The following MYBPC3 variants were observed in gnomAD, a reference collection of about 807,000 sequenced individuals.
MYBPC3 encodes myosin binding protein C3, also known as myosin-binding protein C, cardiac-type.
MYBPC3 carries 108 observed loss-of-function variants against 159.3 expected under a neutral mutation model. The ratio of observed to expected loss-of-function variants is 0.68; its 90% CI spans 0.58 to 0.80. MYBPC3 has a LOEUF of 0.80. Among genes scored for constraint, MYBPC3 ranks in the 30% least tolerant of loss-of-function variants. The pLI, the probability that MYBPC3 is intolerant of heterozygous loss-of-function variation, is 0.00. For missense variants in MYBPC3, 1,631 were observed against 1,762.1 expected (o/e 0.93, Z 1.33); for synonymous variants, 730 against 702.0 (o/e 1.04, Z -0.63).
At position 47,338,664 on chromosome 11, in the gene MYBPC3, C is replaced by G. The variant is rs730880696; in HGVS notation, c.2164G>C (p.Glu722Gln). The G allele has an allele frequency of 1.9e-6, 3 of 1,612,414 alleles. No individual in the cohort carries two copies. The highest frequency in any genetic ancestry group is 2.5e-6 in the Non-Finnish European group (3 of 1,179,152). The change falls in exon 23 of 35, where the codon GAG becomes CAG. Residue 722 changes from glutamate to glutamine, a missense_variant. Transcript: ENST00000545968. The surrounding 1 kb of genome is among the most constrained non-coding windows in gnomAD (Gnocchi z 4.7). ...GTGGTCTCCACGCGGACCCGGCCCT[C>G]GGTCTCACACAGCAGCTGGGGGGGT... ...VFDKKLLCETEGRVRVETTKD... is the reference protein window; with the variant it reads ...VFDKKLLCETQGRVRVETTKD...
chr11:47,337,518 C>T lies in MYBPC3; in HGVS notation c.2475G>A (p.Leu825=). 2 of 1,614,048 alleles carry T rather than the reference C, an allele frequency of 1.2e-6. No individual in the cohort carries two copies. The highest frequency in any genetic ancestry group is 1.7e-6 in the Non-Finnish European group (2 of 1,179,900). ...GCGCTTCATGACTCAGCTCCTGAATCAGGTCGAAGTTCAGCCGCATCCACC... is the reference window on the plus strand; with the variant it reads ...GCGCTTCATGACTCAGCTCCTGAATTAGGTCGAAGTTCAGCCGCATCCACC... ...SYRWMRLNFD[L]IQELSHEARR... Residue 825 remains leucine, a synonymous_variant, in exon 25 of 35, where the codon CTG becomes CTA. Transcript: ENST00000545968.
intron 5 of MYBPC3, 123 bp downstream of exon 5, chr11:47,349,651 C>T: frequency 7.3e-7 from 1 of 1,373,230 alleles, no homozygotes; most frequent in Non-Finnish European, 9.7e-7. Flanking sequence ...CCCAGATTCC[C>T]CACACCCCTT....
rs574298055 is a variant in MYBPC3, at chr11:47,351,009, G to T, written c.292+230C>A. 1.3e-5 allele frequency among the ~76,000 whole-genome samples: 2 copies of T among 152,228 alleles called. No homozygotes were observed. Among genetic ancestry groups the T allele is most frequent in the African/African-American group, 4.8e-5 (2 of 41,540 alleles). On this transcript the variant is annotated intron_variant, in intron 2 of 34. Transcript: ENST00000545968. The surrounding 1 kb of genome is among the most constrained non-coding windows in gnomAD (Gnocchi z 4.2). ...CAGGGGGAGAGTGGGGTTGTGTCTTGTTCATCTCTCCCACCTACCCCATGG... is the reference window on the plus strand; with the variant it reads ...CAGGGGGAGAGTGGGGTTGTGTCTTTTTCATCTCTCCCACCTACCCCATGG...
In MYBPC3 at chr11:47,350,486, G is replaced by C. The variant is rs1463349177; in HGVS notation, c.406+16C>G. 6.5e-7 allele frequency: 1 copy of C among 1,548,186 alleles called. No individual in the cohort carries two copies. Among genetic ancestry groups the C allele is most frequent in the Admixed American group, 2.1e-5 (1 of 48,262 alleles). ...CTACCCACGGATCCTGCCCCTCCCT[G>C]CCCAGCCCCTCTCACCTTTGGGACT... On this transcript the variant is annotated intron_variant, in intron 3 of 34. Coordinates refer to ENST00000545968, the MANE Select transcript of MYBPC3 (RefSeq NM_000256.3).
rs1238568522 is a variant in MYBPC3 at position 47,333,567 on chromosome 11, CA to C, written c.3179del (p.Leu1060ArgfsTer15). ...ENMEDKATLV[L>X]QVVDKPSPPQ... The stretch of plus-strand genomic sequence containing the variant: ...GCCTTGGCCACGCACCAACAACCTG[CA>C]GCACCAGCGTGGCCTTGTCCTCCAT... On this transcript the variant is annotated frameshift_variant, in exon 29 of 35. Coordinates refer to ENST00000545968, the MANE Select transcript of MYBPC3 (RefSeq NM_000256.3). LOFTEE classifies it high-confidence loss of function. 1 of 1,600,178 alleles carries C rather than the reference CA, an allele frequency of 6.2e-7. No individual in the cohort carries two copies. The highest frequency in any genetic ancestry group is 2.2e-5 in the East Asian group (1 of 44,902).
chr11:47,350,388 G>A (rs11570047), intron 3 of MYBPC3, 114 bp downstream of exon 3: 3 of 1,492,808 alleles, frequency 2.0e-6, no homozygotes, highest in Middle Eastern at 2.4e-4. Context: ...GCCTCCCAAA[G>A]TACTGGGGAT....
intron 13 of MYBPC3, 31 bp from the exon 14 acceptor site, chr11:47,343,293 C>T: frequency 6.5e-7 from 1 of 1,539,558 alleles, no homozygotes; most frequent in Non-Finnish European, 8.7e-7. Flanking sequence ...TTGAAGTGTT[C>T]CCGACGGGAG....
Position 47,339,804 on chromosome 11 carries a change from A to C in MYBPC3, c.1928-14T>G. ...TCTTGGGAGGTTCTGCAGAAGACAC[A>C]ATGTAGTTCAGAGAAACGGGAGAGC... On this transcript the variant is annotated splice_polypyrimidine_tract_variant and intron_variant, in intron 20 of 34. Coordinates refer to ENST00000545968, the MANE Select transcript of MYBPC3 (RefSeq NM_000256.3). 1 of 1,608,040 alleles carries C rather than the reference A, an allele frequency of 6.2e-7. No homozygotes were observed. Among genetic ancestry groups the C allele is most frequent in the South Asian group, 1.1e-5 (1 of 90,894 alleles).
chr11:47,351,548 G>C lies in MYBPC3; in HGVS notation c.26-43C>G. 6.5e-7 allele frequency: 1 copy of C among 1,529,234 alleles called. No homozygotes were observed. 94.7% of individuals were successfully genotyped at this position (1,529,234 alleles called of 1,614,324 possible). ...GGCTACAGCGGCCCCTGGTTGGAGCGTGCACCCCGCCCCTGCAGCCCCTCT... is the reference window on the plus strand; with the variant it reads ...GGCTACAGCGGCCCCTGGTTGGAGCCTGCACCCCGCCCCTGCAGCCCCTCT... On this transcript the variant is annotated intron_variant, in intron 1 of 34. Coordinates refer to ENST00000545968, the MANE Select transcript of MYBPC3 (RefSeq NM_000256.3). The surrounding 1 kb of genome is among the most constrained non-coding windows in gnomAD (Gnocchi z 4.2).
In MYBPC3 at chr11:47,343,064, G is replaced by A. The variant is rs759826878; in HGVS notation, c.1308C>T (p.Cys436=). 20 of 1,612,536 alleles carry A rather than the reference G, an allele frequency of 1.2e-5. 1 individual carries two copies. The highest frequency in any genetic ancestry group is 6.7e-5 in the African/African-American group (5 of 74,900). ...TGCTACACTTCTCGCCACCCACCAC[G>A]CACTGGTAGGCTGCGTCGTCCGCCA... ...CSLADDAAYQ[C]VVGGEKCSTE... is the part of the protein sequence containing the mutation. Residue 436 remains cysteine, a synonymous_variant, in exon 15 of 35, where the codon TGC becomes TGT. Transcript: ENST00000545968.
chr11:47,346,093 A>T lies in MYBPC3; in HGVS notation c.1090+114T>A. The T allele has an allele frequency of 7.0e-7, 1 of 1,423,970 alleles. No individual in the cohort carries two copies. 88.2% of individuals were successfully genotyped at this position (1,423,970 alleles called of 1,614,324 possible). On this transcript the variant is annotated intron_variant, in intron 12 of 34. Transcript: ENST00000545968. The surrounding 1 kb of genome is among the most constrained non-coding windows in gnomAD (Gnocchi z 5.3). ...ATGTATGTGGACGAGGTGGGGGGCT[A>T]ACCTGTGCCCTCTCCTCTCCCCTGT...
intron 21 of MYBPC3, 83 bp downstream of exon 21, chr11:47,339,568 G>A: frequency 1.3e-6 from 2 of 1,482,846 alleles, no homozygotes; most frequent in Admixed American, 2.1e-5. Flanking sequence ...ACATGTGGGT[G>A]GGGTGTGCAG....
In MYBPC3 at chr11:47,342,924, G is replaced by A. The variant is rs747686377; in HGVS notation, c.1363C>T (p.Leu455Phe). 24 of 1,611,512 alleles carry A rather than the reference G, an allele frequency of 1.5e-5. No individual in the cohort carries two copies. Among genetic ancestry groups the A allele is most frequent in the Admixed American group, 3.4e-5 (2 of 59,686 alleles). Residue 455 changes from leucine (L) to phenylalanine (F), a missense_variant, in exon 16 of 35, where the codon CTC becomes TTC. Physicochemically the swap from Leu to Phe is conservative, Grantham distance 22 (BLOSUM62 0). Transcript: ENST00000545968. ...TGGTCCTCCAAGGGGCGCGTGATGA[G>A]CACAGGGGGCTCTGTCCAGGCAGGG... is the stretch of plus-strand genomic sequence containing the variant. The part of the protein sequence containing the change: ...TELFVKEPPV[L>F]ITRPLEDQLV...
In MYBPC3 at chr11:47,352,687, C is replaced by T; in HGVS notation, c.-40G>A. On this transcript the variant is annotated 5_prime_UTR_variant, in exon 1 of 35. Coordinates refer to ENST00000545968, the MANE Select transcript of MYBPC3 (RefSeq NM_000256.3). ...CACCAGGCACGAAGCAGGCACAGGTCACCCAAAGAGGGACTGAGTGGGGTC... is the reference window on the plus strand; with the variant it reads ...CACCAGGCACGAAGCAGGCACAGGTTACCCAAAGAGGGACTGAGTGGGGTC... 1 of 1,568,656 alleles carries T rather than the reference C, an allele frequency of 6.4e-7. No individual in the cohort carries two copies. Among genetic ancestry groups the T allele is most frequent in the Non-Finnish European group, 8.6e-7 (1 of 1,158,246 alleles).
chr11:47,347,499 G>A lies in MYBPC3; in HGVS notation c.852-20C>T. The stretch of plus-strand genomic sequence containing the variant: ...CTATCACTATGGAGAGGGACCCCCA[G>A]TGAGGCTGCAGTGAGGGACTGGAAA... On this transcript the variant is annotated intron_variant, in intron 8 of 34. Transcript: ENST00000545968. 2 of 1,593,126 alleles carry A rather than the reference G, an allele frequency of 1.3e-6. No homozygotes were observed. The highest frequency in any genetic ancestry group is 1.7e-6 in the Non-Finnish European group (2 of 1,169,994).
rs763010875 is a variant in MYBPC3 at position 47,337,428 on chromosome 11, G to A, written c.2565C>T (p.Ser855=). The A allele has an allele frequency of 6.2e-7, 1 of 1,609,008 alleles. No individual in the cohort carries two copies. The highest frequency in any genetic ancestry group is 2.2e-5 in the East Asian group (1 of 44,830). The change falls in exon 25 of 35, where the codon TCC becomes TCT. Residue 855 remains serine, a synonymous_variant. Transcript: ENST00000545968. The stretch of plus-strand genomic sequence containing the variant: ...AGGGCTGGGAGGCAGGGCTGGGCCT[G>A]GACATGCCGATGGCGTTGACCGCGT... ...RVYAVNAIGM[S]RPSPASQPFM...
At position 47,339,843 on chromosome 11, in the gene MYBPC3, G is replaced by A. The variant is rs2095886613; in HGVS notation, c.1928-53C>T. The A allele has an allele frequency of 3.8e-6, 6 of 1,590,460 alleles. No individual in the cohort carries two copies. The South Asian group carries it at 6.7e-5, about 18-fold the overall frequency. ...AAACGGGAGAGCCAGGAGGAGCACAGGTCACTGGGGCGGGGCTGCTCAAGA... is the reference window on the plus strand; with the variant it reads ...AAACGGGAGAGCCAGGAGGAGCACAAGTCACTGGGGCGGGGCTGCTCAAGA... On this transcript the variant is annotated intron_variant, in intron 20 of 34. Coordinates refer to ENST00000545968, the MANE Select transcript of MYBPC3 (RefSeq NM_000256.3).
intron 26 of MYBPC3, 130 bp from the exon 27 acceptor site, chr11:47,335,339 A>G: frequency 1.2e-6 from 1 of 834,316 alleles, no homozygotes; most frequent in Non-Finnish European, 1.7e-6. Flanking sequence ...TTGTTTATTT[A>G]TTTTTGAGAT....
chr11:47,333,296 G>A lies in MYBPC3; in HGVS notation c.3228C>T (p.Asp1076=), dbSNP rs369999866. The A allele has an allele frequency of 5.2e-5, 83 of 1,590,862 alleles. 1 individual carries two copies. In the African/African-American group the frequency reaches 5.2e-4, roughly 10 times the overall value. The stretch of plus-strand genomic sequence containing the variant: ...CCAGAGCCACATTAAGACCCCAGGC[G>A]TCAGTCACCCGGAGATCCTGGGGAG... The part of the protein sequence containing the change: ...PSPPQDLRVT[D]AWGLNVALEW... The change falls in exon 30 of 35, where the codon GAC becomes GAT. Residue 1076 remains aspartate (D), a synonymous_variant. Transcript: ENST00000545968.
Sources: gnomAD v4.1 joint callset for allele counts (sites outside exome capture counted in the v4.1 genomes callset) on GRCh38, gnomAD v4.1.1 for gene constraint, Gnocchi (gnomAD v3.1) non-coding constraint, MANE v1.5 for transcripts, NCBI Gene and HGNC (gene_info 2026-07-23, HGNC 2026-07-21) for gene names.